Variants in RIF1 observed in about 807,000 individuals in gnomAD.
The protein encoded by RIF1 is replication timing regulatory factor 1.
RIF1 carries 45 observed loss-of-function variants against 247.1 expected under a neutral mutation model. The ratio of observed to expected loss-of-function variants is 0.18; its 90% CI spans 0.14 to 0.23. The LOEUF (loss-of-function observed/expected upper bound fraction) is 0.23, where lower values mean the gene tolerates loss of function less well. RIF1 is among the 10% of genes least tolerant of loss of function. The pLI is 1.00. For synonymous variants in RIF1, 1,087 were observed against 978.8 expected, an observed-to-expected ratio of 1.11 and a Z score of -2.06; for missense variants, 2,967 against 2,862.5, an observed-to-expected ratio of 1.04 and a Z score of -0.83.
At chr2:151,527,863 T>C in the RIF1 span, among the ~76,000 whole-genome samples, 94,211 of 152,022 alleles carry the variant, frequency 0.62, 29,746 homozygotes, top group East Asian at 0.78. Flanking sequence ...CAGTCCAGCC[T>C]AATCATCTTC....
In RIF1 at chr2:151,423,197, AACC is replaced by A. The variant is rs562705327; in HGVS notation, c.786+157_786+159del. The A allele has an allele frequency of 1.0e-3, 592 of 579,912 alleles. 1 individual carries two copies. The highest frequency in any genetic ancestry group is 1.5e-3 in the Non-Finnish European group (498 of 330,188). The allele number at this position is 579,912 out of a possible 1,614,324, so 35.9% of individuals were successfully genotyped here. A position where few individuals can be genotyped will look rare whatever the true frequency, so the allele number is the denominator to read the frequency against. On this transcript the variant is annotated intron_variant, in intron 8 of 35. Transcript: ENST00000444746. ...CACTAAAATTTATTTGTAAATCTGA[AACC>A]AGTACTTGCATTGCTTTTGCTTTCA...
intron 26 of RIF1, among the ~76,000 whole-genome samples, chr2:151,460,844 C>A (rs1696040817): frequency 6.6e-6 from 1 of 152,226 alleles, no homozygotes; most frequent in South Asian, 2.1e-4. Context: ...TCTCCTCCTG[C>A]CAAATCAGTT....
Position 151,454,944 on chromosome 2 carries a change from G to A in RIF1, c.2394G>A (p.Gly798=). ...DWSKKKNEPL[G]KLTSLFKLIV... ...CCAAAAAGAAGAATGAGCCCCTAGGGAAATTGACTTCTTTATTTAAACTTA... is the reference window on the plus strand; with the variant it reads ...CCAAAAAGAAGAATGAGCCCCTAGGAAAATTGACTTCTTTATTTAAACTTA... Residue 798 remains glycine (G), a synonymous_variant, in exon 22 of 36, where the codon GGG becomes GGA. Transcript: ENST00000444746. The A allele has an allele frequency of 1.2e-6, 2 of 1,612,976 alleles. No homozygotes were observed. Among genetic ancestry groups the A allele is most frequent in the East Asian group, 2.2e-5 (1 of 44,804 alleles).
In RIF1 at chr2:151,464,583, C is replaced by G. The variant is rs1696638208; in HGVS notation, c.5063C>G (p.Ser1688Cys). The G allele has an allele frequency of 6.2e-7, 1 of 1,613,504 alleles. No homozygotes were observed. ...NAIKRLHKRD[S>C]FDNCSLGESS... The stretch of plus-strand genomic sequence containing the variant: ...ATTAAGAGATTACATAAGCGAGACT[C>G]TTTTGATAATTGTAGTTTGGGAGAA... Residue 1688 changes from serine to cysteine, a missense_variant, in exon 30 of 36, where the codon TCT becomes TGT. Ser to Cys is a moderately radical substitution (Grantham distance 112, BLOSUM62 -1). Transcript: ENST00000444746.
Position 151,465,786 on chromosome 2 carries a change from C to G in RIF1, c.6266C>G (p.Thr2089Ser), listed in dbSNP as rs373604071. 6.2e-7 allele frequency: 1 copy of G among 1,612,618 alleles called. No homozygotes were observed. The highest frequency in any genetic ancestry group is 8.5e-7 in the Non-Finnish European group (1 of 1,178,824). Reference protein sequence around the residue: ...IIDANKTETNTEYSKSEEKLD... With the variant: ...IIDANKTETNSEYSKSEEKLD... ...GACGCTAATAAAACTGAAACAAATA[C>G]TGAGTATAGTAAATCTGAAGAAAAA... The change falls in exon 30 of 36, where the codon ACT (threonine) becomes AGT (serine). Residue 2089 changes from threonine (T) to serine (S), a missense_variant. Thr to Ser is a moderately conservative substitution (Grantham distance 58). This residue lies in a region of RIF1 where 2,028 missense variants were observed against 1,825.6 expected (regional missense o/e 1.11). Coordinates refer to ENST00000444746, the MANE Select transcript of RIF1 (RefSeq NM_018151.5).
Position 151,498,920 on chromosome 2 carries a change from C to CAAAT in RIF1, c.*514-422_*514-419dup, listed in dbSNP as rs574369613. Among the ~76,000 whole-genome samples, 260 of 151,200 alleles carry CAAAT rather than the reference C, an allele frequency of 1.7e-3. 2 individuals are homozygous for CAAAT. In the South Asian group the frequency reaches 0.031, roughly 18 times the overall value. On this transcript the variant is annotated intron_variant and NMD_transcript_variant, in intron 10 of 13. Transcript: ENST00000454583. The stretch of plus-strand genomic sequence containing the variant: ...AAAAAGAAACTTCAAAATATCTGTA[C>CAAAT]AAATAACAGTAGAGATAGAAAAGGT...
intron 12 of RIF1, among the ~76,000 whole-genome samples, chr2:151,504,790 T>C (rs1425931800): frequency 6.6e-6 from 1 of 152,038 alleles, no homozygotes; most frequent in African/African-American, 2.4e-5. Flanking sequence ...TCAGGAGAAA[T>C]GTGCTAACCT....
intron 8 of RIF1, among the ~76,000 whole-genome samples, chr2:151,428,259 A>G (rs921800933): frequency 6.6e-6 from 1 of 152,148 alleles, no homozygotes; most frequent in Non-Finnish European, 1.5e-5. Flanking sequence ...AGTTTTCTTG[A>G]TTTTTATCTC....
At chr2:151,503,143 A>C in exon 12 of RIF1, 1 of 593,610 alleles carries the variant, frequency 1.7e-6, no homozygotes. Flanking sequence ...TAGTATTTCA[A>C]ATCTAGTCAA....
chr2:151,519,603 C>T, the RIF1 span: 448 of 1,308,222 alleles, frequency 3.4e-4, no homozygotes, highest in Non-Finnish European at 4.5e-4. Context: ...CACTTAAAAA[C>T]AGTTAAAATG....
chr2:151,464,955 TTGTTTC>T lies in RIF1; in HGVS notation c.5438_5443del (p.Val1813_Ser1814del), dbSNP rs1436544094. The T allele has an allele frequency of 1.9e-6, 3 of 1,573,246 alleles. No individual in the cohort carries two copies. In the East Asian group the frequency reaches 6.7e-5, roughly 35 times the overall value. ...AATGATACTATTAATGATTCATTAATTGTTTCTGAAACCAAATCAAAAGAAAACACT... is the reference window on the plus strand; with the variant it reads ...AATGATACTATTAATGATTCATTAATTGAAACCAAATCAAAAGAAAACACT... On this transcript the variant is annotated inframe_deletion, in exon 30 of 36. Coordinates refer to ENST00000444746, the MANE Select transcript of RIF1 (RefSeq NM_018151.5).
the RIF1 span, among the ~76,000 whole-genome samples, chr2:151,522,722 C>G: frequency 6.6e-6 from 1 of 152,180 alleles, no homozygotes; most frequent in Non-Finnish European, 1.5e-5. Flanking sequence ...GCTTGCTGGT[C>G]TCAGTCTTTC....
At chr2:151,532,773 G>C in the RIF1 span, among the ~76,000 whole-genome samples, 1 of 151,880 alleles carries the variant, frequency 6.6e-6, no homozygotes, top group Non-Finnish European at 1.5e-5. Context: ...GGGAAAAATG[G>C]TATTATTACT....
intron 21 of RIF1, among the ~76,000 whole-genome samples, chr2:151,452,045 T>G (rs942994522): frequency 6.6e-6 from 1 of 152,188 alleles, no homozygotes; most frequent in African/African-American, 2.4e-5. Context: ...GACAAGAAAC[T>G]TAGACATAAC....
intron 20 of RIF1, among the ~76,000 whole-genome samples, chr2:151,447,235 G>A (rs987245237): frequency 1.2e-4 from 19 of 152,050 alleles, no homozygotes; most frequent in African/African-American, 3.9e-4. Context: ...GAGCCACCGC[G>A]CCCGGCCTCT....
intron 3 of RIF1, among the ~76,000 whole-genome samples, chr2:151,413,960 C>T (rs889167752): frequency 7.2e-5 from 11 of 152,124 alleles, no homozygotes; most frequent in African/African-American, 2.7e-4. Flanking sequence ...TTGAGATACT[C>T]TTTGACAGAT....
chr2:151,453,609 T>A (rs2444265), intron 21 of RIF1, among the ~76,000 whole-genome samples: 9,105 of 149,816 alleles, frequency 0.061, 946 homozygotes, highest in African/African-American at 0.21. Flanking sequence ...AAAAGGCAAT[T>A]TTACTTTCTT....
chr2:151,411,944 G>A (rs1686311441), intron 3 of RIF1, among the ~76,000 whole-genome samples: 1 of 152,194 alleles, frequency 6.6e-6, no homozygotes, highest in East Asian at 1.9e-4. Flanking sequence ...ACTTGAATCT[G>A]AGTTTGTGCT....
chr2:151,455,559 G>A (rs1367781927), intron 22 of RIF1, among the ~76,000 whole-genome samples: 2 of 152,182 alleles, frequency 1.3e-5, no homozygotes, highest in East Asian at 1.9e-4. Flanking sequence ...ACCCTGGATC[G>A]AAACTATTTA....
Sources: gnomAD v4.1 joint callset for allele counts (sites outside exome capture counted in the v4.1 genomes callset) on GRCh38, gnomAD v4.1.1 for gene constraint, gnomAD v4.1.1 regional missense constraint, MANE v1.5 for transcripts, NCBI Gene and HGNC (gene_info 2026-07-23, HGNC 2026-07-21) for gene names.